Variants in KCNMB2 observed in about 807,000 individuals in gnomAD.
The protein encoded by KCNMB2 is calcium-activated potassium channel subunit beta-2.
In KCNMB2, 9 loss-of-function variants were observed where a neutral mutation model predicts 24.5. The observed-to-expected ratio is 0.37, with a 90% confidence interval of 0.22 to 0.64. The LOEUF is 0.64. Ranked by LOEUF, KCNMB2 falls within the 30% of genes least tolerant of loss-of-function variation. The pLI, the probability that KCNMB2 is intolerant of heterozygous loss-of-function variation, is 0.63. For missense variants in KCNMB2, 226 were observed against 284.3 expected, an observed-to-expected ratio of 0.79 and a Z score of 1.47; for synonymous variants, 109 against 104.4, an observed-to-expected ratio of 1.04 and a Z score of -0.27.
At chr3:178,705,476 A>G (rs1293454506) in intron 1 of KCNMB2, among the ~76,000 whole-genome samples, 3 of 152,288 alleles carry the variant, frequency 2.0e-5, no homozygotes, top group Non-Finnish European at 4.4e-5. Context: ...AAGTTGTTTC[A>G]TTGTCTATCT....
chr3:178,817,227 A>ATATATATATATATATATATATATAT (rs1408060884), intron 2 of KCNMB2, among the ~76,000 whole-genome samples: 9 of 148,358 alleles, frequency 6.1e-5, no homozygotes, highest in South Asian at 2.1e-4. Context: ...ATATATATAT[A>ATATATATATATATATATATATATAT]AATGAAGTGT....
chr3:178,570,145 T>C (rs546641462), intron 1 of KCNMB2, among the ~76,000 whole-genome samples: 1 of 152,322 alleles, frequency 6.6e-6, no homozygotes, highest in South Asian at 2.1e-4. Context: ...TAGTTTGTTT[T>C]CAATATTCCC....
intron 1 of KCNMB2, among the ~76,000 whole-genome samples, chr3:178,716,050 A>C (rs2108353831): frequency 6.6e-6 from 1 of 152,346 alleles, no homozygotes; most frequent in East Asian, 1.9e-4. Context: ...TTCCCAACTG[A>C]ATACACAAAT....
intron 1 of KCNMB2, among the ~76,000 whole-genome samples, chr3:178,614,972 C>T (rs746119017): frequency 6.6e-6 from 1 of 152,168 alleles, no homozygotes; most frequent in Non-Finnish European, 1.5e-5. Context: ...GCCATGTCTA[C>T]TTTAGGGGGC....
intron 1 of KCNMB2, among the ~76,000 whole-genome samples, chr3:178,672,339 T>C (rs1403868927): frequency 7.2e-5 from 11 of 152,144 alleles, no homozygotes; most frequent in Non-Finnish European, 1.0e-4. Flanking sequence ...AAGTGTCTTT[T>C]CCAGAAGTAT....
intron 2 of KCNMB2, among the ~76,000 whole-genome samples, chr3:178,808,444 T>C (rs893390466): frequency 3.9e-5 from 6 of 152,062 alleles, no homozygotes; most frequent in African/African-American, 1.4e-4. Context: ...AAATAAAAAT[T>C]AAAAACTACA....
In KCNMB2 at chr3:178,807,280, A is replaced by AT. The variant is rs1245530395; in HGVS notation, c.-67-62dup. On this transcript the variant is annotated intron_variant, in intron 1 of 4. Transcript: ENST00000452583. The stretch of plus-strand genomic sequence containing the variant: ...CCTATGGAATCAAAACCCTGTTGTT[A>AT]TGTAAGAGTCAATCCACTGAGAGCT... The AT allele has an allele frequency of 2.6e-4, 170 of 647,420 alleles. No homozygotes were observed. In the African/African-American group the frequency reaches 2.9e-3, roughly 11 times the overall value. 40.1% of individuals were successfully genotyped at this position (647,420 alleles called of 1,614,324 possible).
intron 1 of KCNMB2, among the ~76,000 whole-genome samples, chr3:178,790,407 T>G (rs1003817372): frequency 6.6e-6 from 1 of 152,138 alleles, no homozygotes; most frequent in African/African-American, 2.4e-5. Context: ...GCACTTTGTC[T>G]TGCAGCTTGG....
chr3:178,718,790 C>T (rs1722702942), intron 1 of KCNMB2, among the ~76,000 whole-genome samples: 1 of 152,104 alleles, frequency 6.6e-6, no homozygotes, highest in African/African-American at 2.4e-5. Context: ...TTTTTTTTCT[C>T]TATATCGTAT....
intron 1 of KCNMB2, among the ~76,000 whole-genome samples, chr3:178,539,629 G>A (rs544722656): frequency 1.4e-4 from 22 of 152,014 alleles, no homozygotes; most frequent in African/African-American, 5.3e-4. Flanking sequence ...TCATCCTTAG[G>A]TTTCTTGGTA....
intron 1 of KCNMB2, among the ~76,000 whole-genome samples, chr3:178,601,219 T>C (rs1023279834): frequency 1.1e-4 from 16 of 151,912 alleles, no homozygotes; most frequent in Non-Finnish European, 1.8e-4. Context: ...AGGGGAGGGA[T>C]AGCATTAGGA....
intron 1 of KCNMB2, among the ~76,000 whole-genome samples, chr3:178,581,576 A>G (rs774701039): frequency 2.6e-4 from 40 of 152,368 alleles, no homozygotes; most frequent in Non-Finnish European, 4.4e-4. Flanking sequence ...CAGAGTGGTC[A>G]GGCAACCTAC....
intron 1 of KCNMB2, among the ~76,000 whole-genome samples, chr3:178,609,794 G>A (rs899626386): frequency 1.3e-5 from 2 of 151,934 alleles, no homozygotes; most frequent in Non-Finnish European, 2.9e-5. Context: ...GCACCACCAT[G>A]CCCAGCTAAT....
intron 1 of KCNMB2, among the ~76,000 whole-genome samples, chr3:178,733,497 T>C (rs1723219272): frequency 6.6e-6 from 1 of 152,208 alleles, no homozygotes; most frequent in South Asian, 2.1e-4. Flanking sequence ...TATTTATTTT[T>C]TGAGACAGAG....
At chr3:178,793,517 G>A (rs570609742) in intron 1 of KCNMB2, among the ~76,000 whole-genome samples, 1 of 151,586 alleles carries the variant, frequency 6.6e-6, no homozygotes, top group African/African-American at 2.4e-5. Flanking sequence ...TTCACCCTGG[G>A]GGGGTGGGCA....
chr3:178,732,364 C>T (rs1232928012), intron 1 of KCNMB2, among the ~76,000 whole-genome samples: 1 of 152,172 alleles, frequency 6.6e-6, no homozygotes, highest in Non-Finnish European at 1.5e-5. Flanking sequence ...AGAACTTTCA[C>T]AGTCATTCAG....
At chr3:178,718,275 C>T (rs997197123) in intron 1 of KCNMB2, among the ~76,000 whole-genome samples, 4 of 152,208 alleles carry the variant, frequency 2.6e-5, no homozygotes, top group Admixed American at 2.6e-4. Context: ...AATTTCCTCT[C>T]TAGCAGGTGT....
chr3:178,540,296 G>T (rs1236411061), intron 1 of KCNMB2, among the ~76,000 whole-genome samples: 1 of 152,082 alleles, frequency 6.6e-6, no homozygotes, highest in Non-Finnish European at 1.5e-5. Context: ...ACCACTCTGG[G>T]CAAGTCACTA....
intron 1 of KCNMB2, among the ~76,000 whole-genome samples, chr3:178,621,050 T>C (rs1011586335): frequency 1.1e-4 from 16 of 152,218 alleles, no homozygotes; most frequent in Non-Finnish European, 4.4e-5. Flanking sequence ...GGCAATGCCA[T>C]GGTCAAAGGG....
Sources: gnomAD v4.1 joint callset for allele counts (sites outside exome capture counted in the v4.1 genomes callset) on GRCh38, gnomAD v4.1.1 for gene constraint, MANE v1.5 for transcripts, NCBI Gene and HGNC (gene_info 2026-07-23, HGNC 2026-07-21) for gene names.